The following HERC1 variants were observed in gnomAD, a reference collection of about 807,000 sequenced individuals.
HERC1 encodes probable E3 ubiquitin-protein ligase HERC1.
Under a neutral mutation model 554.3 loss-of-function variants are expected in HERC1, and 160 were observed. That is an observed-to-expected ratio of 0.29 (90% confidence interval 0.25 to 0.33). HERC1 has a LOEUF of 0.33. Ranked by LOEUF, HERC1 falls within the 10% of genes least tolerant of loss-of-function variation. HERC1 has a pLI of 1.00. For synonymous variants in HERC1, 2,175 were observed against 2,131.7 expected, an observed-to-expected ratio of 1.02 and a Z score of -0.56; for missense variants, 4,919 against 5,918.5, an observed-to-expected ratio of 0.83 and a Z score of 5.54.
chr15:63,664,681 T>C, intron 42 of HERC1, 87 bp from the exon 43 acceptor site: 1 of 1,092,958 alleles, frequency 9.1e-7, no homozygotes, highest in Non-Finnish European at 1.3e-6. Context: ...GTAGTACTAC[T>C]TTATTCTCAT....
In HERC1 at chr15:63,666,023, G is replaced by A. The variant is rs745835061; in HGVS notation, c.8451C>T (p.Ala2817=). 1.1e-5 allele frequency: 17 copies of A among 1,613,846 alleles called. No homozygotes were observed. The African/African-American group carries it at 1.6e-4, about 15-fold the overall frequency. The change falls in exon 42 of 78, where the codon GCC becomes GCT. Residue 2817 remains alanine, a synonymous_variant. Coordinates refer to ENST00000443617, the MANE Select transcript of HERC1 (RefSeq NM_003922.4). The part of the protein sequence containing the change: ...GSTADSRPGA[A]VLGSGGKSND... ...TTGACTTCCCGCCACTGCCTAGAAC[G>A]GCTGCTCCAGGCCTAGAGTCTGCTG...
chr15:63,705,161 C>CT (rs994432016), intron 25 of HERC1, among the ~76,000 whole-genome samples: 4 of 150,238 alleles, frequency 2.7e-5, no homozygotes, highest in African/African-American at 4.9e-5. Flanking sequence ...TCTCTGTATT[C>CT]TTTTTTTTTG....
At chr15:63,653,247 C>A (rs1157257794) in intron 51 of HERC1, among the ~76,000 whole-genome samples, 2 of 151,984 alleles carry the variant, frequency 1.3e-5, no homozygotes, top group Non-Finnish European at 1.5e-5. Flanking sequence ...TTGAGACCAG[C>A]CTGGCCAACA....
At chr15:63,716,251 T>A in intron 22 of HERC1, 51 bp downstream of exon 22, 1 of 1,518,126 alleles carries the variant, frequency 6.6e-7, no homozygotes, top group East Asian at 2.3e-5. Context: ...AGTTCCCCTA[T>A]CAAAAAGCAT....
rs2074105113 is a variant in HERC1 at position 63,727,965 on chromosome 15, T to C, written c.3155-127A>G. 1 of 661,306 alleles carries C rather than the reference T, an allele frequency of 1.5e-6. No individual in the cohort carries two copies. The highest frequency in any genetic ancestry group is 2.6e-6 in the Non-Finnish European group (1 of 389,184). 41.0% of individuals were successfully genotyped at this position (661,306 alleles called of 1,614,324 possible). ...ATTCAACAACTCTCTGTTGAACACCTACCTGGTAGCTGATGTAGTATCAGT... is the reference window on the plus strand; with the variant it reads ...ATTCAACAACTCTCTGTTGAACACCCACCTGGTAGCTGATGTAGTATCAGT... On this transcript the variant is annotated intron_variant, in intron 16 of 77. Coordinates refer to ENST00000443617, the MANE Select transcript of HERC1 (RefSeq NM_003922.4). This position sits in a 1 kb window ranked among gnomAD's most constrained non-coding sequence, Gnocchi z 4.3.
At position 63,756,590 on chromosome 15, in the gene HERC1, A is replaced by G; in HGVS notation, c.1380T>C (p.Val460=). The change falls in exon 5 of 78, where the codon GTT becomes GTC. Residue 460 remains valine (V), a synonymous_variant. Transcript: ENST00000443617. The surrounding 1 kb of genome is among the most constrained non-coding windows in gnomAD (Gnocchi z 5.0). Reference sequence around the variant, plus strand: ...GACCATCAGATCCTTTAGAAGATGAAACCTTTTTAATGGATCTGTGAGGCT... The same window carrying G: ...GACCATCAGATCCTTTAGAAGATGAGACCTTTTTAATGGATCTGTGAGGCT... ...TFEPHRSIKK[V]SSSKGSDGHT... is the part of the protein sequence containing the mutation. 1 of 1,614,004 alleles carries G rather than the reference A, an allele frequency of 6.2e-7. No homozygotes were observed. The highest frequency in any genetic ancestry group is 8.5e-7 in the Non-Finnish European group (1 of 1,179,864).
intron 63 of HERC1, 111 bp from the exon 64 acceptor site, chr15:63,637,754 C>A: frequency 1.1e-6 from 1 of 931,978 alleles, no homozygotes. Context: ...ATTGTTTTAT[C>A]CTTTTACTGA....
chr15:63,682,583 C>A (rs1289846132), intron 34 of HERC1, among the ~76,000 whole-genome samples: 1 of 151,974 alleles, frequency 6.6e-6, no homozygotes, highest in African/African-American at 2.4e-5. Context: ...CTACCTTGGG[C>A]AAGAAAGCAA....
At chr15:63,631,867 C>T (rs2068575469) in intron 68 of HERC1, among the ~76,000 whole-genome samples, 1 of 152,172 alleles carries the variant, frequency 6.6e-6, no homozygotes, top group Admixed American at 6.6e-5. Context: ...CTGTGCCCAC[C>T]TGCCCTTTAC....
intron 6 of HERC1, 91 bp downstream of exon 6, chr15:63,755,138 T>C: frequency 3.7e-6 from 3 of 817,748 alleles, no homozygotes; most frequent in Non-Finnish European, 6.1e-6. Context: ...ATGACAGTCT[T>C]TGGCCTAGTA....
intron 8 of HERC1, among the ~76,000 whole-genome samples, chr15:63,751,340 C>A (rs1483170558): frequency 6.6e-6 from 1 of 152,104 alleles, no homozygotes; most frequent in Middle Eastern, 3.2e-3. Context: ...TAGGCTATAC[C>A]ATATAGTCTA....
At position 63,698,952 on chromosome 15, in the gene HERC1, G is replaced by A. The variant is rs1185585016; in HGVS notation, c.4681C>T (p.Arg1561Cys). 9.3e-6 allele frequency: 15 copies of A among 1,613,560 alleles called. No homozygotes were observed. Among genetic ancestry groups the A allele is most frequent in the African/African-American group, 2.7e-5 (2 of 75,020 alleles). Reference sequence around the variant, plus strand: ...AACCAGTCTCTGCTATGTTTCAGGCGAGCCCAAGAGTCACTCAGGGATTCC... The same window carrying A: ...AACCAGTCTCTGCTATGTTTCAGGCAAGCCCAAGAGTCACTCAGGGATTCC... ...QLESLSDSWA[R>C]LKHSRDWLCN... Residue 1561 changes from arginine to cysteine, a missense_variant, in exon 26 of 78, where the codon CGC (arginine) becomes TGC (cysteine). Arg to Cys is a radical substitution (Grantham distance 180). Transcript: ENST00000443617.
rs1472141389 is a variant in HERC1, at chr15:63,612,631, G to A, written c.14095-75C>T. Reference sequence around the variant, plus strand: ...CCCACCAAGGGCCCTGTGGGGCTAGGCGCCTCCTGATGCCTGCTCGTCCGC... The same window carrying A: ...CCCACCAAGGGCCCTGTGGGGCTAGACGCCTCCTGATGCCTGCTCGTCCGC... On this transcript the variant is annotated intron_variant, in intron 76 of 77. Transcript: ENST00000443617. The surrounding 1 kb of genome is among the most constrained non-coding windows in gnomAD (Gnocchi z 5.0). 2 of 1,457,864 alleles carry A rather than the reference G, an allele frequency of 1.4e-6. No homozygotes were observed. The highest frequency in any genetic ancestry group is 2.8e-5 in the African/African-American group (2 of 71,810). 90.3% of individuals were successfully genotyped at this position (1,457,864 alleles called of 1,614,324 possible).
chr15:63,713,487 G>GT lies in HERC1; in HGVS notation c.4328dup (p.Asn1443LysfsTer20), dbSNP rs1285842312. 1 of 1,613,992 alleles carries GT rather than the reference G, an allele frequency of 6.2e-7. No individual in the cohort carries two copies. Among genetic ancestry groups the GT allele is most frequent in the Non-Finnish European group, 8.5e-7 (1 of 1,179,876 alleles). On this transcript the variant is annotated frameshift_variant, in exon 23 of 78. Transcript: ENST00000443617. LOFTEE classifies it high-confidence loss of function. ...ACAGGGCACACCGATGGATCACGGA[G>GT]TTGCATGCAGCAGTGTACACATCCT... is the stretch of plus-strand genomic sequence containing the variant.
rs1036668673 is a variant in HERC1 at position 63,719,570 on chromosome 15, T to C, written c.3743-673A>G. 5.9e-5 allele frequency among the ~76,000 whole-genome samples: 9 copies of C among 152,244 alleles called. No homozygotes were observed. In the South Asian group the frequency reaches 8.3e-4, roughly 14 times the overall value. On this transcript the variant is annotated intron_variant, in intron 19 of 77. Transcript: ENST00000443617. Reference sequence around the variant, plus strand: ...CTGAGATGTATTTTTGAAAGCTCACTCTGCTGAGTGGAGAACTGACTTATA... The same window carrying C: ...CTGAGATGTATTTTTGAAAGCTCACCCTGCTGAGTGGAGAACTGACTTATA...
chr15:63,733,648 A>G (rs118053000), intron 13 of HERC1, among the ~76,000 whole-genome samples: 6,038 of 151,822 alleles, frequency 0.04, 238 homozygotes, highest in Admixed American at 0.13. Context: ...GAGTCCAGGA[A>G]TTCAAGACCA....
At position 63,674,730 on chromosome 15, in the gene HERC1, T is replaced by C; in HGVS notation, c.7458A>G (p.Arg2486=). The change falls in exon 38 of 78, where the codon AGA becomes AGG. Residue 2486 remains arginine (R), a synonymous_variant. Coordinates refer to ENST00000443617, the MANE Select transcript of HERC1 (RefSeq NM_003922.4). Reference sequence around the variant, plus strand: ...TTTTGGACATGTGTTCATGATTTTTTCTTTTCCCTTCTGTTATTTGATGTT... The same window carrying C: ...TTTTGGACATGTGTTCATGATTTTTCCTTTTCCCTTCTGTTATTTGATGTT... ...ESQHQITEGK[R]KNHEHMSKNH... is the part of the protein sequence containing the mutation. The C allele has an allele frequency of 6.2e-7, 1 of 1,613,814 alleles. No individual in the cohort carries two copies. The highest frequency in any genetic ancestry group is 1.1e-5 in the South Asian group (1 of 91,034).
intron 71 of HERC1, 129 bp downstream of exon 71, chr15:63,625,856 T>C: frequency 1.1e-6 from 1 of 899,386 alleles, no homozygotes; most frequent in Non-Finnish European, 1.8e-6. Context: ...GGAATAGAAG[T>C]GTTATCTTAT....
At chr15:63,687,511 C>G (rs1324752499) in intron 33 of HERC1, among the ~76,000 whole-genome samples, 1 of 151,424 alleles carries the variant, frequency 6.6e-6, no homozygotes, top group Non-Finnish European at 1.5e-5. Context: ...GCACTCCAGC[C>G]TGGGTGACAG....
Sources: allele counts gnomAD v4.1 joint callset (sites outside exome capture counted in the v4.1 genomes callset), GRCh38; gene constraint gnomAD v4.1.1; non-coding constraint Gnocchi (gnomAD v3.1); transcripts MANE v1.5; gene names NCBI Gene and HGNC (gene_info 2026-07-23, HGNC 2026-07-21).